PRKG1: variants seen among roughly 807,000 people sequenced by gnomAD.
PRKG1 encodes the protein cGMP-dependent protein kinase 1.
A neutral mutation model predicts 88.1 loss-of-function variants in PRKG1; 35 were observed. The observed-to-expected ratio is 0.40, with a 90% CI of 0.30 to 0.53. The LOEUF is 0.53. Ranked by LOEUF, PRKG1 falls within the 20% of genes least tolerant of loss-of-function variation. PRKG1 has a pLI of 0.59. For missense variants in PRKG1, 540 were observed against 839.8 expected (o/e 0.64, Z 4.41); for synonymous variants, 303 against 292.5 (o/e 1.04, Z -0.37).
intron 4 of PRKG1, among the ~76,000 whole-genome samples, chr10:51,893,186 A>G (rs1841764651): frequency 6.6e-6 from 1 of 152,076 alleles, no homozygotes; most frequent in Non-Finnish European, 1.5e-5. Flanking sequence ...GCTGATTTCA[A>G]ACCTAGCCCT....
intron 1 of PRKG1, among the ~76,000 whole-genome samples, chr10:51,031,582 A>G (rs968565103): frequency 2.0e-5 from 3 of 152,212 alleles, no homozygotes; most frequent in African/African-American, 7.2e-5. Context: ...GTGTGCATCA[A>G]GCATATTGCT....
At chr10:51,594,950 T>A (rs777832254) in intron 3 of PRKG1, among the ~76,000 whole-genome samples, 3 of 152,212 alleles carry the variant, frequency 2.0e-5, no homozygotes, top group Non-Finnish European at 4.4e-5. Flanking sequence ...TTAAGTGATC[T>A]TATATTAAGG....
chr10:51,156,370 T>A (rs1314214424), intron 2 of PRKG1, among the ~76,000 whole-genome samples: 1 of 146,966 alleles, frequency 6.8e-6, no homozygotes, highest in Non-Finnish European at 1.5e-5. Context: ...TAGGTGATAT[T>A]TCTTCCCCAG....
At chr10:52,127,366 G>T (rs1381161675) in intron 7 of PRKG1, among the ~76,000 whole-genome samples, 1 of 152,086 alleles carries the variant, frequency 6.6e-6, no homozygotes, top group African/African-American at 2.4e-5. Context: ...CAGGAGAGAG[G>T]TAAAAGTTAG....
intron 2 of PRKG1, among the ~76,000 whole-genome samples, chr10:51,273,745 G>T (rs150840903): frequency 6.6e-6 from 1 of 152,122 alleles, no homozygotes; most frequent in Non-Finnish European, 1.5e-5. Context: ...TATCTGGCTG[G>T]GGAAGAGAAA....
intron 2 of PRKG1, among the ~76,000 whole-genome samples, chr10:51,247,867 C>A (rs1308757699): frequency 6.6e-6 from 1 of 151,850 alleles, no homozygotes; most frequent in Non-Finnish European, 1.5e-5. Context: ...TTGGCCAAGT[C>A]ATTTACTGAT....
At position 52,293,650 on chromosome 10, in the gene PRKG1, T is replaced by C. The variant is rs1169339741; in HGVS notation, c.1963-152T>C. Reference sequence around the variant, plus strand: ...CAAGGATAAGAACCATGTCTGCTTGTACTTACCACTGTGACCCTCAATACC... The same window carrying C: ...CAAGGATAAGAACCATGTCTGCTTGCACTTACCACTGTGACCCTCAATACC... On this transcript the variant is annotated intron_variant, in intron 17 of 17. Transcript: ENST00000373980. 18 of 625,170 alleles carry C rather than the reference T, an allele frequency of 2.9e-5. No homozygotes were observed. The East Asian group carries it at 5.0e-4, about 17-fold the overall frequency. 38.7% of individuals were successfully genotyped at this position (625,170 alleles called of 1,614,324 possible).
chr10:52,001,401 T>C (rs919062031), intron 5 of PRKG1, among the ~76,000 whole-genome samples: 1 of 151,896 alleles, frequency 6.6e-6, no homozygotes, highest in Non-Finnish European at 1.5e-5. Context: ...GTGATGCATA[T>C]GTTAATTAGC....
chr10:51,027,508 A>G (rs533942618), intron 1 of PRKG1, among the ~76,000 whole-genome samples: 86 of 152,314 alleles, frequency 5.6e-4, no homozygotes, highest in African/African-American at 2.0e-3. Context: ...TTTCATCAAC[A>G]TTAACTTAAG....
intron 17 of PRKG1, among the ~76,000 whole-genome samples, chr10:52,291,510 G>A (rs10824336): frequency 0.48 from 72,150 of 149,904 alleles, 19,034 homozygotes; most frequent in Non-Finnish European, 0.61. Context: ...GCGGTGTTTG[G>A]TTTTTTGTTC....
In PRKG1 at chr10:52,282,266, A is replaced by T. The variant is rs1419436985; in HGVS notation, c.1659A>T (p.Ser553=). The T allele has an allele frequency of 1.9e-6, 3 of 1,610,794 alleles. No individual in the cohort carries two copies. The African/African-American group carries it at 4.0e-5, about 22-fold the overall frequency. Residue 553 remains serine, a synonymous_variant, in exon 14 of 18, where the codon TCA becomes TCT. Coordinates refer to ENST00000373980, the MANE Select transcript of PRKG1 (RefSeq NM_006258.4). The part of the protein sequence containing the change: ...EIILNKGHDI[S]ADYWSLGILM... Reference sequence around the variant, plus strand: ...TCCTGAACAAAGGCCATGACATTTCAGCCGACTACTGGTCACTGGGAATCC... The same window carrying T: ...TCCTGAACAAAGGCCATGACATTTCTGCCGACTACTGGTCACTGGGAATCC...
intron 5 of PRKG1, among the ~76,000 whole-genome samples, chr10:52,012,709 G>A (rs1223595682): frequency 6.6e-6 from 1 of 152,036 alleles, no homozygotes; most frequent in Non-Finnish European, 1.5e-5. Context: ...TTGAGCACCA[G>A]CTAAATCCTA....
At chr10:52,041,729 A>G (rs370835089) in intron 5 of PRKG1, among the ~76,000 whole-genome samples, 2 of 152,060 alleles carry the variant, frequency 1.3e-5, no homozygotes, top group Non-Finnish European at 2.9e-5. Context: ...GAATTTATAC[A>G]TTTCTTCTAG....
chr10:51,261,820 CT>C (rs1183833096), intron 2 of PRKG1, among the ~76,000 whole-genome samples: 2 of 151,512 alleles, frequency 1.3e-5, no homozygotes, highest in Admixed American at 1.3e-4. Flanking sequence ...TCAGCAGCTA[CT>C]CAGCTTCAGC....
chr10:52,293,487 A>G (rs1475672575), intron 17 of PRKG1, among the ~76,000 whole-genome samples: 3 of 152,234 alleles, frequency 2.0e-5, no homozygotes, highest in Non-Finnish European at 4.4e-5. Context: ...AGCTGGAGGC[A>G]TCACGCTACA....
At chr10:51,235,937 C>T (rs927164346) in intron 2 of PRKG1, among the ~76,000 whole-genome samples, 1 of 152,086 alleles carries the variant, frequency 6.6e-6, no homozygotes, top group Non-Finnish European at 1.5e-5. Flanking sequence ...GTCAGTGGTT[C>T]TCAAATTTTG....
chr10:52,085,629 A>G (rs542401665), intron 7 of PRKG1, among the ~76,000 whole-genome samples: 156 of 152,264 alleles, frequency 1.0e-3, no homozygotes, highest in African/African-American at 3.1e-3. Flanking sequence ...GTCAAGGGCT[A>G]TAAGAGCCCT....
In PRKG1 at chr10:51,698,112, G is replaced by C. The variant is rs199709239; in HGVS notation, c.593-106473G>C. ...GGGCCACCTGCCCCTATATTAATGGGACCAGGACCCTGAATTCCACCAGTC... is the reference window on the plus strand; with the variant it reads ...GGGCCACCTGCCCCTATATTAATGGCACCAGGACCCTGAATTCCACCAGTC... On this transcript the variant is annotated intron_variant, in intron 3 of 17. Transcript: ENST00000373980. The C allele has an allele frequency of 8.7e-6, 14 of 1,614,046 alleles. No individual in the cohort carries two copies. In the East Asian group the frequency reaches 3.1e-4, roughly 36 times the overall value.
At chr10:51,104,803 T>A (rs1185184608) in intron 1 of PRKG1, among the ~76,000 whole-genome samples, 2 of 151,840 alleles carry the variant, frequency 1.3e-5, no homozygotes, top group Admixed American at 1.3e-4. Flanking sequence ...AATCTCGGCT[T>A]ACTGCAACCT....
Sources: gnomAD v4.1 joint callset for allele counts (sites outside exome capture counted in the v4.1 genomes callset) on GRCh38, gnomAD v4.1.1 for gene constraint, MANE v1.5 for transcripts, NCBI Gene and HGNC (gene_info 2026-07-23, HGNC 2026-07-21) for gene names.